Variants in UTS2B observed in about 807,000 individuals in gnomAD.
The protein encoded by UTS2B is urotensin-2B.
UTS2B carries 21 observed loss-of-function variants against 19.2 expected under a neutral mutation model. That is an observed-to-expected ratio of 1.09 (90% CI 0.78 to 1.58). UTS2B has a LOEUF of 1.58. UTS2B is among the 40% of genes most tolerant of loss of function. The pLI is 0.00. For missense variants in UTS2B, 138 were observed against 130.3 expected, an observed-to-expected ratio of 1.06 and a Z score of -0.29; for synonymous variants, 57 against 50.2, an observed-to-expected ratio of 1.14 and a Z score of -0.58.
chr3:191,309,176 T>G (rs1465318302), intron 3 of UTS2B, among the ~76,000 whole-genome samples: 1 of 152,212 alleles, frequency 6.6e-6, no homozygotes, highest in African/African-American at 2.4e-5. Context: ...TTGTTTGTTT[T>G]TTTTTAAAAC....
the UTS2B span, among the ~76,000 whole-genome samples, chr3:191,338,554 C>T: frequency 1.3e-5 from 2 of 152,156 alleles, no homozygotes; most frequent in African/African-American, 4.8e-5. Context: ...TCAATTCTGT[C>T]AGTGATTGCT....
At chr3:191,329,674 T>A in intron 1 of UTS2B, 1 of 1,608,962 alleles carries the variant, frequency 6.2e-7, no homozygotes, top group Non-Finnish European at 8.5e-7. Context: ...CCTGGCCCGG[T>A]ATGGCTGAAG....
the UTS2B span, among the ~76,000 whole-genome samples, chr3:191,343,120 T>G: frequency 1.5e-4 from 23 of 152,294 alleles, 1 homozygote; most frequent in Admixed American, 1.2e-3. Flanking sequence ...ATACCTGAGT[T>G]CCGCAGGGCC....
intron 4 of UTS2B, among the ~76,000 whole-genome samples, chr3:191,298,677 T>C (rs1454824518): frequency 1.3e-5 from 2 of 152,176 alleles, no homozygotes; most frequent in South Asian, 2.1e-4. Context: ...GGAGCACTGT[T>C]ATAAAGATAC....
rs768364896 is a variant in UTS2B at position 191,275,257 on chromosome 3, T to C, written c.329A>G (p.Lys110Arg). Residue 110 changes from lysine to arginine, a missense_variant, in exon 8 of 9, where the codon AAA becomes AGA. Coordinates refer to ENST00000340524, the MANE Select transcript of UTS2B (RefSeq NM_198152.5). ...VDGLFSSHPS[K>R]RACFWKYCV ...ACCTTGAAATGAAAGCTTACCTCGT[T>C]TGCTAGGATGAGAAGAGAATAGACC... 391 of 1,602,520 alleles carry C rather than the reference T, an allele frequency of 2.4e-4. 4 individuals carry two copies. The East Asian group carries it at 8.5e-3, about 35-fold the overall frequency.
intron 1 of UTS2B, chr3:191,329,086 G>A (rs377672567): frequency 6.5e-6 from 1 of 152,866 alleles, no homozygotes; most frequent in African/African-American, 2.4e-5. Flanking sequence ...CCGCTCACGG[G>A]AAAGACTATG....
chr3:191,312,290 GC>G (rs79295172), intron 3 of UTS2B, among the ~76,000 whole-genome samples: 35,131 of 151,986 alleles, frequency 0.23, 4,291 homozygotes, highest in South Asian at 0.29. Flanking sequence ...CAGAGTATCA[GC>G]CCTGGAGGCG....
intron 8 of UTS2B, among the ~76,000 whole-genome samples, 156 bp from the exon 9 acceptor site, chr3:191,268,597 A>T (rs1208203583): frequency 6.6e-6 from 1 of 152,214 alleles, no homozygotes; most frequent in East Asian, 1.9e-4. Flanking sequence ...CTTTAAGTTA[A>T]TCACAATTAA....
At chr3:191,274,136 C>T (rs887118956) in intron 8 of UTS2B, among the ~76,000 whole-genome samples, 3 of 151,874 alleles carry the variant, frequency 2.0e-5, no homozygotes, top group African/African-American at 2.4e-5. Flanking sequence ...TCCCTCCTAC[C>T]CTCCACTTCA....
intron 4 of UTS2B, among the ~76,000 whole-genome samples, chr3:191,284,586 A>G (rs2124079): frequency 0.51 from 75,804 of 149,832 alleles, 20,896 homozygotes; most frequent in Middle Eastern, 0.62. Context: ...CCTCCCAAAG[A>G]GCTGGTATTA....
At chr3:191,270,010 T>C (rs1369551315) in intron 8 of UTS2B, among the ~76,000 whole-genome samples, 2 of 152,270 alleles carry the variant, frequency 1.3e-5, no homozygotes, top group African/African-American at 4.8e-5. Flanking sequence ...GTTTTTAGCA[T>C]GATGCTAGGA....
At chr3:191,344,620 G>A in the UTS2B span, among the ~76,000 whole-genome samples, 1 of 152,026 alleles carries the variant, frequency 6.6e-6, no homozygotes, top group African/African-American at 2.4e-5. Context: ...GCTCTGTCAC[G>A]CAGGCTGGAT....
intron 3 of UTS2B, among the ~76,000 whole-genome samples, chr3:191,309,690 T>C (rs1717238038): frequency 6.6e-6 from 1 of 152,116 alleles, no homozygotes. Flanking sequence ...GATGCTGTTT[T>C]GGTAATAGCG....
intron 7 of UTS2B, 147 bp downstream of exon 7, chr3:191,276,660 T>C (rs1033811771): frequency 4.9e-6 from 3 of 615,036 alleles, no homozygotes; most frequent in East Asian, 3.1e-5. Context: ...TTTTTCTTTT[T>C]CTACAAAACA....
chr3:191,283,017 T>C (rs1560135028), intron 4 of UTS2B, among the ~76,000 whole-genome samples: 1 of 152,190 alleles, frequency 6.6e-6, no homozygotes, highest in Non-Finnish European at 1.5e-5. Context: ...TATAATGACC[T>C]CCGATCTTGG....
intron 4 of UTS2B, among the ~76,000 whole-genome samples, chr3:191,301,474 T>A (rs572392647): frequency 1.4e-4 from 20 of 144,946 alleles, no homozygotes; most frequent in Non-Finnish European, 1.0e-4. Context: ...ATTAACTAAA[T>A]TTTTGGTAAT....
At chr3:191,340,919 T>A in the UTS2B span, among the ~76,000 whole-genome samples, 1 of 152,184 alleles carries the variant, frequency 6.6e-6, no homozygotes, top group Admixed American at 6.5e-5. Flanking sequence ...CACTGTGGCC[T>A]CAAGCTCCTG....
chr3:191,285,692 G>A (rs1560135792), intron 4 of UTS2B, among the ~76,000 whole-genome samples: 1 of 152,070 alleles, frequency 6.6e-6, no homozygotes, highest in African/African-American at 2.4e-5. Context: ...ACAAGGACAG[G>A]AGATCAAGAC....
chr3:191,284,202 TAA>T (rs35516892), intron 4 of UTS2B, among the ~76,000 whole-genome samples: 76,699 of 151,856 alleles, frequency 0.51, 21,111 homozygotes, highest in Middle Eastern at 0.62. Context: ...TTCTATTTTT[TAA>T]AAAGTGTTGA....
Sources: allele counts gnomAD v4.1 joint callset (sites outside exome capture counted in the v4.1 genomes callset), GRCh38; gene constraint gnomAD v4.1.1; transcripts MANE v1.5; gene names NCBI Gene and HGNC (gene_info 2026-07-23, HGNC 2026-07-21).